The following IL1RAPL1 variants were observed in gnomAD, a reference collection of about 807,000 sequenced individuals.
The protein encoded by IL1RAPL1 is interleukin 1 receptor accessory protein like 1.
Under a neutral mutation model 48.4 loss-of-function variants are expected in IL1RAPL1, and 3 were observed. That is an observed-to-expected ratio of 0.06 (90% confidence interval 0.03 to 0.16). The LOEUF is 0.16. Ranked by LOEUF, IL1RAPL1 falls within the 10% of genes least tolerant of loss-of-function variation. The pLI is 1.00. For synonymous variants in IL1RAPL1, 185 were observed against 187.7 expected (o/e 0.99, Z 0.12); for missense variants, 349 against 530.6 (o/e 0.66, Z 3.36).
chrX:28,937,137 G>A (rs923691956), intron 2 of IL1RAPL1, among the ~76,000 whole-genome samples: 2 of 110,774 alleles, frequency 1.8e-5, no homozygotes, highest in Non-Finnish European at 3.8e-5. Context: ...AGATATTAAC[G>A]TTTATATCTG....
intron 5 of IL1RAPL1, among the ~76,000 whole-genome samples, chrX:29,540,368 C>T (rs6628448): frequency 0.37 from 40,299 of 110,290 alleles, 5,623 homozygotes; most frequent in East Asian, 0.71. Flanking sequence ...AAGCAATCTA[C>T]AGATTCCACA....
chrX:28,915,514 T>C (rs983138579), intron 2 of IL1RAPL1, among the ~76,000 whole-genome samples: 5 of 111,891 alleles, frequency 4.5e-5, no homozygotes, highest in Non-Finnish European at 7.5e-5. Context: ...ACATCTCAGG[T>C]ACTGTTGCAC....
chrX:28,807,997 G>GTAA (rs1936750931), intron 2 of IL1RAPL1, among the ~76,000 whole-genome samples: 1 of 110,926 alleles, frequency 9.0e-6, no homozygotes, highest in Non-Finnish European at 1.9e-5. Flanking sequence ...AGTGTATCAA[G>GTAA]TAATATGTAA....
At chrX:29,196,086 A>G (rs372186571) in intron 2 of IL1RAPL1, among the ~76,000 whole-genome samples, 8 of 112,419 alleles carry the variant, frequency 7.1e-5, no homozygotes, top group South Asian at 7.4e-4. Context: ...AAATTTCTGC[A>G]TTAGTAGATA....
chrX:29,306,235 T>G (rs1932614512), intron 3 of IL1RAPL1, among the ~76,000 whole-genome samples: 3 of 112,157 alleles, frequency 2.7e-5, no homozygotes, highest in South Asian at 7.3e-4. Flanking sequence ...GCTTAGAAAT[T>G]GATATTTATG....
At chrX:29,340,930 T>C (rs1464937397) in intron 3 of IL1RAPL1, among the ~76,000 whole-genome samples, 3 of 111,678 alleles carry the variant, frequency 2.7e-5, no homozygotes, top group African/African-American at 9.8e-5. Context: ...CAATTCAGAT[T>C]TTACTATGCA....
chrX:29,252,339 G>C (rs1001687148), intron 2 of IL1RAPL1, among the ~76,000 whole-genome samples: 1 of 113,476 alleles, frequency 8.8e-6, no homozygotes, highest in African/African-American at 3.2e-5. Context: ...ATATAGTGTA[G>C]AGAAAGCTAA....
At chrX:28,931,152 A>G (rs918906409) in intron 2 of IL1RAPL1, among the ~76,000 whole-genome samples, 19 of 111,730 alleles carry the variant, frequency 1.7e-4, no homozygotes, top group African/African-American at 6.2e-4. Context: ...GCATTATTCT[A>G]TCTTTTCTTT....
chrX:29,030,659 A>G (rs1926597270), intron 2 of IL1RAPL1, among the ~76,000 whole-genome samples: 1 of 111,685 alleles, frequency 9.0e-6, no homozygotes, highest in African/African-American at 3.2e-5. Flanking sequence ...AAATTGAATA[A>G]ATATGTTGAA....
chrX:29,144,235 T>TA (rs972957550), intron 2 of IL1RAPL1, among the ~76,000 whole-genome samples: 5 of 110,712 alleles, frequency 4.5e-5, no homozygotes, highest in Non-Finnish European at 7.6e-5. Context: ...TGAGAACAAA[T>TA]AAAAAATAGC....
Position 29,503,153 on chromosome X carries a change from T to C in IL1RAPL1, c.703+103845T>C, listed in dbSNP as rs193206244. 2.7e-5 allele frequency among the ~76,000 whole-genome samples: 3 copies of C among 112,006 alleles called. No individual in the cohort carries two copies. In the Admixed American group the frequency reaches 2.8e-4, roughly 11 times the overall value. On this transcript the variant is annotated intron_variant, in intron 5 of 10. Transcript: ENST00000378993. The stretch of plus-strand genomic sequence containing the variant: ...CTCAATTGTTATGTTTTCTTTTTGG[T>C]TCCTGATTTTATTTATTTGGGCCTT...
In IL1RAPL1 at chrX:29,325,352, C is replaced by T. The variant is rs183890879; in HGVS notation, c.362+42135C>T. On this transcript the variant is annotated intron_variant, in intron 3 of 10. Coordinates refer to ENST00000378993, the MANE Select transcript of IL1RAPL1 (RefSeq NM_014271.4). Reference sequence around the variant, plus strand: ...TTCAGAGGACAGATGAAGGCTTTCACGTCTTCATTTGTTCACACCCTATAT... The same window carrying T: ...TTCAGAGGACAGATGAAGGCTTTCATGTCTTCATTTGTTCACACCCTATAT... Among the ~76,000 whole-genome samples the T allele has an allele frequency of 1.4e-4, 16 of 112,279 alleles. No homozygotes were observed. The East Asian group carries it at 4.2e-3, about 29-fold the overall frequency.
chrX:29,687,465 A>G (rs778425526), intron 6 of IL1RAPL1, among the ~76,000 whole-genome samples: 1 of 111,517 alleles, frequency 9.0e-6, no homozygotes, highest in African/African-American at 3.3e-5. Flanking sequence ...TCATGGAAGT[A>G]GGGAGTAGAA....
At chrX:29,187,564 C>CA (rs1457622191) in intron 2 of IL1RAPL1, among the ~76,000 whole-genome samples, 3 of 111,384 alleles carry the variant, frequency 2.7e-5, no homozygotes, top group African/African-American at 9.8e-5. Flanking sequence ...AGCATGCATG[C>CA]CCATTGCTCT....
At chrX:29,465,775 C>A (rs12007907) in intron 5 of IL1RAPL1, among the ~76,000 whole-genome samples, 13,288 of 111,133 alleles carry the variant, frequency 0.12, 1,430 homozygotes, top group African/African-American at 0.35. Flanking sequence ...ACTTGGCAAA[C>A]TATTAGTGAT....
At chrX:29,458,586 A>T (rs1934766610) in intron 5 of IL1RAPL1, among the ~76,000 whole-genome samples, 1 of 112,247 alleles carries the variant, frequency 8.9e-6, no homozygotes, top group Non-Finnish European at 1.9e-5. Flanking sequence ...AAGTAATCGC[A>T]TAAAACTTTT....
rs186157507 is a variant in IL1RAPL1 at position 29,893,216 on chromosome X, A to G, written c.779-24248A>G. Among the ~76,000 whole-genome samples, 229 of 111,712 alleles carry G rather than the reference A, an allele frequency of 2.0e-3. 2 individuals are homozygous for G. Among genetic ancestry groups the G allele is most frequent in the African/African-American group, 5.2e-3 (161 of 30,767 alleles). On this transcript the variant is annotated intron_variant, in intron 6 of 10. Coordinates refer to ENST00000378993, the MANE Select transcript of IL1RAPL1 (RefSeq NM_014271.4). ...CGAACCTAGGAGTGAAATTTTTCACACCCAGTTTTGCAAATGAGAAAATTA... is the reference window on the plus strand; with the variant it reads ...CGAACCTAGGAGTGAAATTTTTCACGCCCAGTTTTGCAAATGAGAAAATTA...
intron 1 of IL1RAPL1, among the ~76,000 whole-genome samples, chrX:28,748,416 A>G (rs1432598326): frequency 9.0e-6 from 1 of 111,707 alleles, no homozygotes; most frequent in African/African-American, 3.2e-5. Context: ...CAGTATTTCC[A>G]TGTGTTTGGA....
At chrX:29,329,174 A>AAC (rs772710766) in intron 3 of IL1RAPL1, among the ~76,000 whole-genome samples, 76 of 109,089 alleles carry the variant, frequency 7.0e-4, no homozygotes, top group Non-Finnish European at 1.0e-3. Context: ...CACACACTCA[A>AAC]ACACACACAC....
Sources: gnomAD v4.1 joint callset for allele counts (sites outside exome capture counted in the v4.1 genomes callset) on GRCh38, gnomAD v4.1.1 for gene constraint, MANE v1.5 for transcripts, NCBI Gene and HGNC (gene_info 2026-07-23, HGNC 2026-07-21) for gene names.